PCDHA4: variants seen among roughly 807,000 people sequenced by gnomAD.
The protein encoded by PCDHA4 is protocadherin alpha 4.
PCDHA4 carries 49 observed loss-of-function variants against 61.4 expected under a neutral mutation model. The ratio of observed to expected loss-of-function variants is 0.80; its 90% CI spans 0.63 to 1.01. PCDHA4 has a LOEUF of 1.01. Among genes scored for constraint, PCDHA4 ranks in the 50% least tolerant of loss-of-function variants. The pLI is 0.00. For missense variants in PCDHA4, 1,254 were observed against 1,235.8 expected (o/e 1.01, Z -0.22); for synonymous variants, 590 against 550.3 (o/e 1.07, Z -1.01).
Position 140,814,823 on chromosome 5 carries a change from A to G in PCDHA4, c.2385+5251A>G, listed in dbSNP as rs1363688446. 2.0e-5 allele frequency: 3 copies of G among 152,176 alleles called. No individual in the cohort carries two copies. In the East Asian group the frequency reaches 5.8e-4, roughly 29 times the overall value. 9.4% of individuals were successfully genotyped at this position (152,176 alleles called of 1,614,324 possible). On this transcript the variant is annotated intron_variant, in intron 1 of 3. Coordinates refer to ENST00000530339, the MANE Select transcript of PCDHA4 (RefSeq NM_018907.4). ...ACTTGACTTTATTGTATTGCTATCT[A>G]TTTCTCCATTTCTGTGAATGTTTGC...
chr5:141,007,181 G>A (rs372000063), intron 3 of PCDHA4, among the ~76,000 whole-genome samples: 1 of 152,134 alleles, frequency 6.6e-6, no homozygotes, highest in East Asian at 1.9e-4. Context: ...AAGGTCAGGA[G>A]AATGTTTTGA....
rs782607699 is a variant in PCDHA4, at chr5:140,926,577, C to A, written c.2386-52372C>A. ...CAGCCCGCTGCTACTGGAGACAGCA[C>A]CTCTCGCGCCCGGGCGGGCGGCCTC... On this transcript the variant is annotated intron_variant, in intron 1 of 3. Coordinates refer to ENST00000530339, the MANE Select transcript of PCDHA4 (RefSeq NM_018907.4). The A allele has an allele frequency of 2.5e-5, 7 of 275,464 alleles. No individual in the cohort carries two copies. In the Middle Eastern group the frequency reaches 3.1e-3, roughly 122 times the overall value. The allele number at this position is 275,464 out of a possible 1,614,324, so 17.1% of individuals were successfully genotyped here. A position where few individuals can be genotyped will look rare whatever the true frequency, so the allele number is the denominator to read the frequency against.
chr5:140,950,741 C>G (rs149114023), intron 1 of PCDHA4, among the ~76,000 whole-genome samples: 2,002 of 152,118 alleles, frequency 0.013, 30 homozygotes, highest in South Asian at 0.028. Context: ...ATCCTAATTT[C>G]TCTCTATCCT....
At chr5:140,952,479 A>C (rs246034) in intron 1 of PCDHA4, among the ~76,000 whole-genome samples, 85,668 of 152,018 alleles carry the variant, frequency 0.56, 24,767 homozygotes, top group African/African-American at 0.69. Flanking sequence ...GGAAAGTGAC[A>C]TTTGCTCCAG....
chr5:140,835,687 T>G (rs1773843865), intron 1 of PCDHA4: 1 of 1,613,786 alleles, frequency 6.2e-7, no homozygotes, highest in Admixed American at 1.7e-5. Context: ...TCGCCTTCTC[T>G]GTGGGCCACT....
intron 1 of PCDHA4, chr5:140,882,990 A>T (rs1554176394): frequency 6.2e-7 from 1 of 1,614,130 alleles, no homozygotes; most frequent in Admixed American, 1.7e-5. Context: ...AACGCCCCGG[A>T]ATTTTACCAA....
At chr5:140,917,941 T>C (rs1415827294) in intron 1 of PCDHA4, among the ~76,000 whole-genome samples, 1 of 152,146 alleles carries the variant, frequency 6.6e-6, no homozygotes, top group Non-Finnish European at 1.5e-5. Flanking sequence ...ATAATATTGG[T>C]AGTTTGATAG....
intron 1 of PCDHA4, chr5:140,825,247 C>A (rs1768490028): frequency 6.6e-6 from 1 of 150,876 alleles, no homozygotes; most frequent in Non-Finnish European, 1.5e-5. Context: ...CTATGGTGTT[C>A]CATTGTGTAG....
Position 140,807,834 on chromosome 5 carries a change from ATGGAGGCAAACCCGAGT to A in PCDHA4, c.650_666del (p.Gly217AspfsTer15). The A allele has an allele frequency of 1.2e-6, 2 of 1,614,204 alleles. 1 individual carries two copies. The highest frequency in any genetic ancestry group is 4.5e-5 in the East Asian group (2 of 44,888). On this transcript the variant is annotated frameshift_variant, in exon 1 of 4. Coordinates refer to ENST00000530339, the MANE Select transcript of PCDHA4 (RefSeq NM_018907.4). LOFTEE classifies it high-confidence loss of function. ...ATTTTTTTAGTGCTCACAGCCACTG[ATGGAGGCAAACCCGAGT>A]TGACTGGCACCGTTCAGTTACTCAT...
intron 1 of PCDHA4, chr5:140,869,637 T>A: frequency 6.2e-7 from 1 of 1,613,610 alleles, no homozygotes; most frequent in Non-Finnish European, 8.5e-7. Flanking sequence ...ATGAGTATTT[T>A]TCTTTAGATT....
At chr5:140,949,336 A>G (rs1585327315) in intron 1 of PCDHA4, among the ~76,000 whole-genome samples, 1 of 151,920 alleles carries the variant, frequency 6.6e-6, no homozygotes, top group South Asian at 2.1e-4. Context: ...ATTGTTATCC[A>G]GATTTTCTGT....
At chr5:140,830,026 C>G in intron 1 of PCDHA4, 1 of 1,613,904 alleles carries the variant, frequency 6.2e-7, no homozygotes, top group Non-Finnish European at 8.5e-7. Context: ...CTCCGCGCCA[C>G]CGGCTGCTGG....
intron 1 of PCDHA4, chr5:140,883,112 A>T (rs141106500): frequency 1.9e-6 from 3 of 1,614,156 alleles, no homozygotes; most frequent in Non-Finnish European, 2.5e-6. Context: ...TTACTCATTT[A>T]GAAGGCCTGT....
intron 1 of PCDHA4, among the ~76,000 whole-genome samples, chr5:140,832,641 T>C (rs1772090459): frequency 6.6e-6 from 1 of 152,130 alleles, no homozygotes; most frequent in African/African-American, 2.4e-5. Flanking sequence ...CCTAGGAGGG[T>C]CTTTAAGAGT....
At chr5:140,983,997 G>A (rs1191316440) in intron 3 of PCDHA4, among the ~76,000 whole-genome samples, 1 of 152,194 alleles carries the variant, frequency 6.6e-6, no homozygotes, top group Non-Finnish European at 1.5e-5. Context: ...CAATTCATTA[G>A]AGAGCTAATA....
chr5:140,985,929 CG>C (rs2097179106), intron 3 of PCDHA4, among the ~76,000 whole-genome samples: 1 of 151,796 alleles, frequency 6.6e-6, no homozygotes, highest in Non-Finnish European at 1.5e-5. Flanking sequence ...TTAGTAGAGC[CG>C]GGGTTTCACT....
At chr5:141,001,723 A>T (rs936645287) in intron 3 of PCDHA4, among the ~76,000 whole-genome samples, 1 of 152,168 alleles carries the variant, frequency 6.6e-6, no homozygotes, top group Non-Finnish European at 1.5e-5. Flanking sequence ...GGAGCTTGAG[A>T]TATTTTACAA....
intron 1 of PCDHA4, chr5:140,850,585 A>G (rs1253890726): frequency 6.3e-7 from 1 of 1,598,426 alleles, no homozygotes. Flanking sequence ...GTGGATGTCA[A>G]CGTGTACCTG....
intron 1 of PCDHA4, chr5:140,821,777 T>C: frequency 4.4e-6 from 7 of 1,606,206 alleles, no homozygotes; most frequent in Non-Finnish European, 6.0e-6. Context: ...GAGATTGAGA[T>C]GGTATATTCC....
Sources: allele counts gnomAD v4.1 joint callset (sites outside exome capture counted in the v4.1 genomes callset), GRCh38; gene constraint gnomAD v4.1.1; transcripts MANE v1.5; gene names NCBI Gene and HGNC (gene_info 2026-07-23, HGNC 2026-07-21).